SLC25A21: variants seen among roughly 807,000 people sequenced by gnomAD.
SLC25A21 encodes mitochondrial 2-oxodicarboxylate carrier.
Under a neutral mutation model 43.8 loss-of-function variants are expected in SLC25A21, and 47 were observed. That is an observed-to-expected ratio of 1.07 (90% CI 0.85 to 1.37). The LOEUF (loss-of-function observed/expected upper bound fraction) is 1.37. Ranked by LOEUF, SLC25A21 falls within the 40% of genes most tolerant of loss-of-function variation. The pLI, the probability that SLC25A21 is intolerant of heterozygous loss-of-function variation, is 0.00. For missense variants in SLC25A21, 352 were observed against 350.2 expected (o/e 1.00, Z -0.04); for synonymous variants, 131 against 121.3 (o/e 1.08, Z -0.52).
chr14:37,104,767 C>A (rs1489064981), intron 1 of SLC25A21, among the ~76,000 whole-genome samples: 1 of 152,102 alleles, frequency 6.6e-6, no homozygotes, highest in Non-Finnish European at 1.5e-5. Context: ...GGTGGCCCAG[C>A]CCAAGGTTTA....
At chr14:37,066,327 C>G (rs1465271243) in intron 1 of SLC25A21, among the ~76,000 whole-genome samples, 1 of 151,966 alleles carries the variant, frequency 6.6e-6, no homozygotes, top group African/African-American at 2.4e-5. Context: ...CTAAATAAGG[C>G]TAAGAAAATG....
intron 1 of SLC25A21, among the ~76,000 whole-genome samples, chr14:37,026,145 C>T (rs114364762): frequency 1.1e-4 from 16 of 152,260 alleles, no homozygotes; most frequent in African/African-American, 3.8e-4. Flanking sequence ...ATATAAGATG[C>T]AGTTTTAGCT....
chr14:37,050,317 T>C (rs1478928490), intron 1 of SLC25A21, among the ~76,000 whole-genome samples: 2 of 152,228 alleles, frequency 1.3e-5, no homozygotes, highest in African/African-American at 4.8e-5. Flanking sequence ...CAGTAAGTAA[T>C]AGTAAAATAA....
In SLC25A21 at chr14:36,762,052, C is replaced by T. The variant is rs532921049; in HGVS notation, c.204-27479G>A. On this transcript the variant is annotated intron_variant, in intron 3 of 9. Transcript: ENST00000331299. ...TTATAGGTAGATTTCAATCATATGA[C>T]TTATTTGCATATGTGAGCAGGTACC... 3.9e-5 allele frequency among the ~76,000 whole-genome samples: 6 copies of T among 152,284 alleles called. No homozygotes were observed. In the South Asian group the frequency reaches 1.2e-3, roughly 32 times the overall value.
intron 1 of SLC25A21, among the ~76,000 whole-genome samples, chr14:37,102,494 T>G: frequency 6.6e-6 from 1 of 151,702 alleles, no homozygotes; most frequent in East Asian, 1.9e-4. Flanking sequence ...CTTTTCCTAG[T>G]CCCCTAGGTT....
intron 1 of SLC25A21, among the ~76,000 whole-genome samples, chr14:36,901,868 G>A (rs1236044923): frequency 6.6e-6 from 1 of 152,086 alleles, no homozygotes; most frequent in East Asian, 1.9e-4. Flanking sequence ...TTCACTTAAA[G>A]CTTAAGTTTC....
chr14:36,741,133 G>C (rs1019238928), intron 3 of SLC25A21, among the ~76,000 whole-genome samples: 1 of 151,928 alleles, frequency 6.6e-6, no homozygotes, highest in Non-Finnish European at 1.5e-5. Context: ...CCCCATTGTT[G>C]GTTTTGCTGG....
intron 1 of SLC25A21, among the ~76,000 whole-genome samples, chr14:36,985,899 G>T (rs952922718): frequency 9.9e-5 from 15 of 152,048 alleles, no homozygotes; most frequent in African/African-American, 3.6e-4. Context: ...AATTGTCCCA[G>T]ATTTGGTCAG....
intron 2 of SLC25A21, among the ~76,000 whole-genome samples, chr14:36,823,843 T>C (rs1164050257): frequency 6.6e-6 from 1 of 152,226 alleles, no homozygotes. Context: ...ACCAATCTAC[T>C]GCCTAGTGAG....
intron 3 of SLC25A21, among the ~76,000 whole-genome samples, chr14:36,767,177 G>A (rs1001546959): frequency 3.9e-5 from 6 of 152,260 alleles, no homozygotes; most frequent in African/African-American, 7.2e-5. Flanking sequence ...CTAGATCAGC[G>A]AAATTTTTAA....
chr14:37,156,142 G>C (rs1255544315), intron 1 of SLC25A21, among the ~76,000 whole-genome samples: 4 of 135,526 alleles, frequency 3.0e-5, no homozygotes. Flanking sequence ...CTGGGTGACA[G>C]AGTGAGACTC....
chr14:36,760,855 G>A (rs1196038779), intron 3 of SLC25A21, among the ~76,000 whole-genome samples: 1 of 151,842 alleles, frequency 6.6e-6, no homozygotes, highest in Non-Finnish European at 1.5e-5. Context: ...AAAGAGGTAG[G>A]GAGAAAAGGT....
At chr14:36,765,866 T>A (rs1202507983) in intron 3 of SLC25A21, among the ~76,000 whole-genome samples, 1 of 152,184 alleles carries the variant, frequency 6.6e-6, no homozygotes, top group Non-Finnish European at 1.5e-5. Flanking sequence ...TCAAGGTATA[T>A]CCTGAGTACA....
chr14:36,715,133 T>C (rs574150122), intron 6 of SLC25A21, among the ~76,000 whole-genome samples: 66 of 152,320 alleles, frequency 4.3e-4, no homozygotes, highest in African/African-American at 1.5e-3. Flanking sequence ...ACAATCCAAC[T>C]GATATAAGTA....
chr14:37,104,407 A>G (rs1404274735), intron 1 of SLC25A21, among the ~76,000 whole-genome samples: 3 of 152,230 alleles, frequency 2.0e-5, no homozygotes, highest in Non-Finnish European at 4.4e-5. Flanking sequence ...GGTCTAAGGT[A>G]TTTTGTTATA....
chr14:36,794,152 T>C (rs956894069), intron 3 of SLC25A21, among the ~76,000 whole-genome samples: 1 of 152,024 alleles, frequency 6.6e-6, no homozygotes, highest in Non-Finnish European at 1.5e-5. Context: ...GTAGGTAAAG[T>C]ACCATGCAGG....
intron 6 of SLC25A21, among the ~76,000 whole-genome samples, chr14:36,717,408 G>A (rs1366256891): frequency 6.6e-6 from 1 of 152,206 alleles, no homozygotes; most frequent in East Asian, 1.9e-4. Context: ...GTATGAACAG[G>A]TCTATTTGCA....
chr14:36,791,671 A>G (rs1236915286), intron 3 of SLC25A21, among the ~76,000 whole-genome samples: 1 of 152,228 alleles, frequency 6.6e-6, no homozygotes, highest in African/African-American at 2.4e-5. Flanking sequence ...TGAAAGTTTT[A>G]TTTTAAGGAA....
At chr14:36,816,675 A>T (rs761316923) in intron 2 of SLC25A21, among the ~76,000 whole-genome samples, 2 of 151,364 alleles carry the variant, frequency 1.3e-5, no homozygotes, top group African/African-American at 2.4e-5. Flanking sequence ...AATTTTTAAA[A>T]TTTTTTTCTG....
Sources: allele counts gnomAD v4.1 joint callset (sites outside exome capture counted in the v4.1 genomes callset), GRCh38; gene constraint gnomAD v4.1.1; transcripts MANE v1.5; gene names NCBI Gene and HGNC (gene_info 2026-07-23, HGNC 2026-07-21).